The following NCOA2 variants were observed in gnomAD, a reference collection of about 807,000 sequenced individuals.
NCOA2 encodes nuclear receptor coactivator 2.
In NCOA2, 21 loss-of-function variants were observed where a neutral mutation model predicts 145.1. The ratio of observed to expected loss-of-function variants is 0.14; its 90% CI spans 0.10 to 0.21. NCOA2 has a LOEUF of 0.21. NCOA2 is among the 10% of genes least tolerant of loss of function. The pLI, the probability that NCOA2 is intolerant of heterozygous loss-of-function variation, is 1.00. For missense variants in NCOA2, 1,472 were observed against 1,837.6 expected (o/e 0.80, Z 3.64); for synonymous variants, 619 against 637.5 (o/e 0.97, Z 0.44).
At chr8:70,183,873 T>G (rs1035734379) in intron 4 of NCOA2, among the ~76,000 whole-genome samples, 1 of 152,132 alleles carries the variant, frequency 6.6e-6, no homozygotes, top group East Asian at 1.9e-4. Context: ...GCCTGGCACA[T>G]AGTGGGCGCT....
intron 2 of NCOA2, among the ~76,000 whole-genome samples, chr8:70,240,028 G>A (rs1821990982): frequency 6.6e-6 from 1 of 152,120 alleles, no homozygotes; most frequent in Non-Finnish European, 1.5e-5. Context: ...TCCATATCTA[G>A]ACTATCACAC....
At chr8:70,301,308 A>C (rs1310460582) in intron 1 of NCOA2, among the ~76,000 whole-genome samples, 2 of 152,078 alleles carry the variant, frequency 1.3e-5, no homozygotes, top group Non-Finnish European at 2.9e-5. Context: ...AATTTTCTCA[A>C]AGCTGCTACC....
At chr8:70,331,343 A>G (rs890973821) in intron 1 of NCOA2, among the ~76,000 whole-genome samples, 9 of 152,150 alleles carry the variant, frequency 5.9e-5, no homozygotes, top group Non-Finnish European at 1.2e-4. Flanking sequence ...TTTTTAATAC[A>G]GCTTTTATGT....
At chr8:70,192,210 C>T (rs747264615) in intron 4 of NCOA2, among the ~76,000 whole-genome samples, 1 of 152,016 alleles carries the variant, frequency 6.6e-6, no homozygotes, top group Admixed American at 6.6e-5. Context: ...GTGACTTTTC[C>T]CTTATTTTAC....
At position 70,166,655 on chromosome 8, in the gene NCOA2, C is replaced by CCCT. The variant is rs1813649707; in HGVS notation, c.638_640dup (p.Glu213dup). ...CTGATGAGCTTCCTGGTTATCATGACCCTCCTCTTCTGAATCAGGTAAAGG... is the reference window on the plus strand; with the variant it reads ...CTGATGAGCTTCCTGGTTATCATGACCCTCCTCCTCTTCTGAATCAGGTAAAGG... On this transcript the variant is annotated inframe_insertion, in exon 7 of 23. Transcript: ENST00000452400. 1.2e-6 allele frequency: 2 copies of CCCT among 1,613,970 alleles called. No individual in the cohort carries two copies. The highest frequency in any genetic ancestry group is 1.7e-6 in the Non-Finnish European group (2 of 1,179,872).
chr8:70,223,937 T>A (rs746022247), intron 2 of NCOA2, among the ~76,000 whole-genome samples: 2 of 152,244 alleles, frequency 1.3e-5, no homozygotes, highest in Non-Finnish European at 2.9e-5. Context: ...ACAGTGACTA[T>A]GTAATTTGAA....
chr8:70,438,738 C>T, the NCOA2 span, among the ~76,000 whole-genome samples: 12 of 152,288 alleles, frequency 7.9e-5, no homozygotes, highest in Non-Finnish European at 1.2e-4. Flanking sequence ...GAATAAATAA[C>T]ACTGGCTTCC....
At chr8:70,190,958 C>G (rs749174734) in intron 4 of NCOA2, among the ~76,000 whole-genome samples, 1 of 151,964 alleles carries the variant, frequency 6.6e-6, no homozygotes, top group Non-Finnish European at 1.5e-5. Context: ...GTGGAGGATA[C>G]TTTGGTAAGG....
At chr8:70,243,309 G>A (rs1452196356) in intron 2 of NCOA2, among the ~76,000 whole-genome samples, 3 of 152,152 alleles carry the variant, frequency 2.0e-5, no homozygotes, top group East Asian at 1.9e-4. Context: ...CATATGAAAC[G>A]TCATTCACAA....
chr8:70,274,740 TTATTC>T (rs1825343355), intron 2 of NCOA2, among the ~76,000 whole-genome samples: 1 of 152,224 alleles, frequency 6.6e-6, no homozygotes, highest in Non-Finnish European at 1.5e-5. Context: ...AACACAGCAA[TTATTC>T]TAAGACTCCT....
In NCOA2 at chr8:70,126,816, A is replaced by T. The variant is rs767806442; in HGVS notation, c.3913T>A (p.Tyr1305Asn). 6.2e-7 allele frequency: 1 copy of T among 1,613,362 alleles called. No homozygotes were observed. Among genetic ancestry groups the T allele is most frequent in the Admixed American group, 1.7e-5 (1 of 59,996 alleles). Residue 1305 changes from tyrosine (Y) to asparagine (N), a missense_variant, in exon 19 of 23, where the codon TAC (tyrosine) becomes AAC (asparagine). Tyr to Asn is a moderately radical substitution (Grantham distance 143). Coordinates refer to ENST00000452400, the MANE Select transcript of NCOA2 (RefSeq NM_006540.4). The stretch of plus-strand genomic sequence containing the variant: ...GGTGGGGATCTAAGTCCAGTACCGT[A>T]GTTTGGAGGAAATGGAAACTGCTGT... ...NAQQFPFPPN[Y>N]GISQQPDPGF...
intron 2 of NCOA2, among the ~76,000 whole-genome samples, chr8:70,219,388 A>G (rs543275704): frequency 2.0e-4 from 30 of 152,152 alleles, no homozygotes; most frequent in Non-Finnish European, 3.7e-4. Flanking sequence ...TTGCTTCCTT[A>G]TATTTTTGTG....
At chr8:70,435,243 G>A in the NCOA2 span, among the ~76,000 whole-genome samples, 3 of 150,812 alleles carry the variant, frequency 2.0e-5, no homozygotes, top group South Asian at 6.3e-4. Flanking sequence ...GGCTAACACG[G>A]TGAAACCCCG....
chr8:70,455,966 A>G, the NCOA2 span, among the ~76,000 whole-genome samples: 1 of 151,998 alleles, frequency 6.6e-6, no homozygotes. Flanking sequence ...CTTAATATTT[A>G]TATTTAGTTT....
chr8:70,140,287 C>T (rs1810241655), intron 14 of NCOA2, among the ~76,000 whole-genome samples: 1 of 152,184 alleles, frequency 6.6e-6, no homozygotes, highest in South Asian at 2.1e-4. Flanking sequence ...CCCCACAACT[C>T]CTGGCCCTAG....
intron 1 of NCOA2, among the ~76,000 whole-genome samples, chr8:70,354,802 G>A (rs1809538046): frequency 6.6e-6 from 1 of 152,118 alleles, no homozygotes; most frequent in African/African-American, 2.4e-5. Flanking sequence ...TGAAAAAATG[G>A]CAGAACTTCA....
intron 2 of NCOA2, among the ~76,000 whole-genome samples, chr8:70,226,845 T>C (rs941323614): frequency 2.6e-5 from 4 of 152,234 alleles, no homozygotes; most frequent in Admixed American, 2.0e-4. Flanking sequence ...GCAAGAAATA[T>C]ATCTAAATCA....
chr8:70,430,392 AT>A, the NCOA2 span, among the ~76,000 whole-genome samples: 1 of 152,182 alleles, frequency 6.6e-6, no homozygotes, highest in African/African-American at 2.4e-5. Context: ...ATAGCACTAC[AT>A]TTTTTACAGC....
intron 15 of NCOA2, among the ~76,000 whole-genome samples, chr8:70,137,123 T>A (rs552997993): frequency 1.3e-5 from 2 of 152,300 alleles, no homozygotes; most frequent in South Asian, 4.1e-4. Context: ...CACCACAACC[T>A]CTGCCTTCCG....
Sources: gnomAD v4.1 joint callset for allele counts (sites outside exome capture counted in the v4.1 genomes callset) on GRCh38, gnomAD v4.1.1 for gene constraint, MANE v1.5 for transcripts, NCBI Gene and HGNC (gene_info 2026-07-23, HGNC 2026-07-21) for gene names.